RCOR2: variants seen among roughly 807,000 people sequenced by gnomAD.
RCOR2 encodes the protein REST corepressor 2.
RCOR2 carries 19 observed loss-of-function variants against 58.9 expected under a neutral mutation model. The observed-to-expected ratio is 0.32, with a 90% CI of 0.23 to 0.47. The LOEUF (loss-of-function observed/expected upper bound fraction) is 0.47. RCOR2 is among the 20% of genes least tolerant of loss of function. RCOR2 has a pLI of 1.00. For synonymous variants in RCOR2, 286 were observed against 278.7 expected (o/e 1.03, Z -0.26); for missense variants, 590 against 707.9 (o/e 0.83, Z 1.89).
At chr11:63,924,204 G>A in the RCOR2 span, among the ~76,000 whole-genome samples, 3 of 149,898 alleles carry the variant, frequency 2.0e-5, no homozygotes, top group Non-Finnish European at 3.0e-5. Context: ...CACCATGCCC[G>A]GTCTATTTTA....
chr11:63,926,489 C>T, the RCOR2 span, among the ~76,000 whole-genome samples: 80 of 137,818 alleles, frequency 5.8e-4, no homozygotes, highest in East Asian at 8.4e-4. Context: ...CTCTCTCTCT[C>T]TTTTTTTTTT....
rs1941838744 is a variant in RCOR2, at chr11:63,915,204, G to C, written c.239C>G (p.Pro80Arg). 1 of 1,551,448 alleles carries C rather than the reference G, an allele frequency of 6.4e-7. No individual in the cohort carries two copies. The highest frequency in any genetic ancestry group is 8.7e-7 in the Non-Finnish European group (1 of 1,147,018). ...CTTGGCATCTGACACACAGTGGTTG[G>C]GTGACCACACCAGCATCCCCTTCAG... ...KELKGMLVWSPNHCVSDAKLD... is the reference protein window; with the variant it reads ...KELKGMLVWSRNHCVSDAKLD... Residue 80 changes from proline to arginine, a missense_variant, in exon 3 of 12, where the codon CCC becomes CGC. By Grantham distance (103) the Pro-to-Arg change is moderately radical. Around this residue, in one of 3 missense-constraint regions of RCOR2, gnomAD observed 390 missense variants for 478.7 expected, o/e 0.81. Transcript: ENST00000301459.
At chr11:63,922,435 C>A in the RCOR2 span, among the ~76,000 whole-genome samples, 4 of 152,220 alleles carry the variant, frequency 2.6e-5, no homozygotes, top group African/African-American at 9.7e-5. Flanking sequence ...TCACTGTAAC[C>A]TCTGCCTCCC....
intron 3 of RCOR2, 83 bp from the exon 4 acceptor site, chr11:63,915,037 A>G: frequency 1.3e-6 from 2 of 1,571,916 alleles, no homozygotes; most frequent in Non-Finnish European, 1.8e-6. Flanking sequence ...ACCACCCCAC[A>G]ACGGCCAGGT....
the RCOR2 span, among the ~76,000 whole-genome samples, chr11:63,922,311 C>T: frequency 1.3e-5 from 2 of 152,216 alleles, no homozygotes; most frequent in Non-Finnish European, 2.9e-5. Flanking sequence ...AGCCTTCAGT[C>T]TGACCTCTCT....
rs1941865292 is a variant in RCOR2 at position 63,916,862 on chromosome 11, C to T, written c.-406G>A. 5.9e-6 allele frequency: 1 copy of T among 168,454 alleles called. No homozygotes were observed. The highest frequency in any genetic ancestry group is 2.4e-5 in the African/African-American group (1 of 41,864). The allele number at this position is 168,454 out of a possible 1,614,324, so 10.4% of individuals were successfully genotyped here. On this transcript the variant is annotated 5_prime_UTR_variant, in exon 1 of 12. Coordinates refer to ENST00000301459, the MANE Select transcript of RCOR2 (RefSeq NM_173587.4). ...CTGGGCGCTGGAGCGCAATCTGCGC[C>T]CCCCGGGCTCTGCGCCTCTCAGCTG...
intron 8 of RCOR2, 22 bp from the exon 9 acceptor site, chr11:63,912,969 G>A: frequency 6.2e-7 from 1 of 1,605,218 alleles, no homozygotes; most frequent in South Asian, 1.1e-5. Context: ...AGGAAGTGGA[G>A]GAATATCAGA....
upstream of RCOR2, among the ~76,000 whole-genome samples, chr11:63,917,926 G>C (rs1170984215): frequency 6.6e-6 from 1 of 152,090 alleles, no homozygotes; most frequent in African/African-American, 2.4e-5. Flanking sequence ...ACAGGGAAGC[G>C]GGTAGAGCGG....
In RCOR2 at chr11:63,914,664, G is replaced by T. The variant is rs1941830945; in HGVS notation, c.471C>A (p.Ile157=). Residue 157 remains isoleucine, a synonymous_variant, in exon 5 of 12, where the codon ATC becomes ATA. Coordinates refer to ENST00000301459, the MANE Select transcript of RCOR2 (RefSeq NM_173587.4). ...FGFHGKCFQR[I]QQMLPDKLIP... ...GGTGGAAGGGCTTTACCATCTGCTGGATCCGCTGGAAGCATTTGCCATGGA... is the reference window on the plus strand; with the variant it reads ...GGTGGAAGGGCTTTACCATCTGCTGTATCCGCTGGAAGCATTTGCCATGGA... 1 of 1,606,466 alleles carries T rather than the reference G, an allele frequency of 6.2e-7. No homozygotes were observed. The highest frequency in any genetic ancestry group is 1.7e-5 in the Admixed American group (1 of 59,336).
chr11:63,923,730 G>A, the RCOR2 span, among the ~76,000 whole-genome samples: 3 of 152,042 alleles, frequency 2.0e-5, no homozygotes. Context: ...GCTGTGGATA[G>A]CCCCCTCCTT....
chr11:63,912,775 T>G (rs1184782359), intron 9 of RCOR2, 42 bp from the exon 10 acceptor site: 1 of 1,611,564 alleles, frequency 6.2e-7, no homozygotes, highest in Non-Finnish European at 8.5e-7. Flanking sequence ...CTCAAAACCA[T>G]GCAAATGGAA....
Position 63,914,178 on chromosome 11 carries a change from G to A in RCOR2, c.676-9C>T, listed in dbSNP as rs760493171. 4 of 1,613,626 alleles carry A rather than the reference G, an allele frequency of 2.5e-6. No individual in the cohort carries two copies. The highest frequency in any genetic ancestry group is 3.4e-6 in the Non-Finnish European group (4 of 1,179,900). On this transcript the variant is annotated splice_polypyrimidine_tract_variant and intron_variant, in intron 7 of 11. Coordinates refer to ENST00000301459, the MANE Select transcript of RCOR2 (RefSeq NM_173587.4). Reference sequence around the variant, plus strand: ...GGCCGAGAGGGTAGAGGCTGCCAGTGAAAGGAGAGGCAGGTAGGTGGTGCA... The same window carrying A: ...GGCCGAGAGGGTAGAGGCTGCCAGTAAAAGGAGAGGCAGGTAGGTGGTGCA...
chr11:63,913,923 T>G, intron 8 of RCOR2, 31 bp downstream of exon 8: 1 of 1,606,200 alleles, frequency 6.2e-7, no homozygotes. Flanking sequence ...ATGCCACCTT[T>G]GCATAGCCCG....
chr11:63,913,036 C>T, intron 8 of RCOR2, 89 bp from the exon 9 acceptor site: 1 of 1,078,944 alleles, frequency 9.3e-7, no homozygotes, highest in Non-Finnish European at 1.4e-6. Context: ...TGCACAGACA[C>T]CAGCACCACT....
upstream of RCOR2, among the ~76,000 whole-genome samples, chr11:63,918,122 G>T (rs554073053): frequency 4.3e-5 from 3 of 70,290 alleles, no homozygotes; most frequent in African/African-American, 1.6e-4. Flanking sequence ...CCCGCCCGCC[G>T]CCCCTCCCAC....
At chr11:63,913,489 C>CTTTTTTTTTTTTTT (rs1213435840) in intron 8 of RCOR2, among the ~76,000 whole-genome samples, 1 of 76,790 alleles carries the variant, frequency 1.3e-5, no homozygotes, top group African/African-American at 3.3e-5. Flanking sequence ...CGTGCTCGGC[C>CTTTTTTTTTTTTTT]TATTTTTTTT....
the RCOR2 span, among the ~76,000 whole-genome samples, chr11:63,926,156 C>A: frequency 2.6e-5 from 4 of 152,156 alleles, no homozygotes; most frequent in Non-Finnish European, 4.4e-5. Flanking sequence ...GGTGATCTGC[C>A]CTCCTCAGCC....
At chr11:63,923,024 A>T in the RCOR2 span, among the ~76,000 whole-genome samples, 3 of 152,120 alleles carry the variant, frequency 2.0e-5, no homozygotes, top group South Asian at 6.2e-4. Flanking sequence ...GGCTCTTAGC[A>T]TAGGACCTTG....
upstream of RCOR2, among the ~76,000 whole-genome samples, chr11:63,918,812 C>T (rs1941896203): frequency 6.6e-6 from 1 of 152,024 alleles, no homozygotes; most frequent in African/African-American, 2.4e-5. Context: ...AGTTGAGTCC[C>T]CCATCCCCCT....
Sources: allele counts gnomAD v4.1 joint callset (sites outside exome capture counted in the v4.1 genomes callset), GRCh38; gene constraint gnomAD v4.1.1; regional missense constraint gnomAD v4.1.1; transcripts MANE v1.5; gene names NCBI Gene and HGNC (gene_info 2026-07-23, HGNC 2026-07-21).